GRM1: variants seen among roughly 807,000 people sequenced by gnomAD.
The protein encoded by GRM1 is glutamate metabotropic receptor 1.
In GRM1, 33 loss-of-function variants were observed where a neutral mutation model predicts 90.9. That is an observed-to-expected ratio of 0.36 (90% CI 0.28 to 0.49). The LOEUF (loss-of-function observed/expected upper bound fraction) is 0.49, where lower values mean the gene tolerates loss of function less well. GRM1 is among the 20% of genes least tolerant of loss of function. The probability of loss-of-function intolerance (pLI) is 0.99; values close to 1 mark genes in which losing one functional copy is unlikely to be tolerated. For missense variants in GRM1, 1,190 were observed against 1,534.3 expected (o/e 0.78, Z 3.75); for synonymous variants, 700 against 613.2 (o/e 1.14, Z -2.09).
At chr6:146,358,350 G>A (rs986034239) in intron 5 of GRM1, among the ~76,000 whole-genome samples, 1 of 152,156 alleles carries the variant, frequency 6.6e-6, no homozygotes, top group Non-Finnish European at 1.5e-5. Context: ...AAGAAAGCAT[G>A]GAGGCAACAC....
Position 146,409,942 on chromosome 6 carries a change from T to A in GRM1, c.2660+10243T>A, listed in dbSNP as rs551969989. Among the ~76,000 whole-genome samples, 4 of 152,286 alleles carry A rather than the reference T, an allele frequency of 2.6e-5. No individual in the cohort carries two copies. The South Asian group carries it at 8.3e-4, about 32-fold the overall frequency. ...GAAATCAATAACAGTAGGAAATACT[T>A]TCCTTCCCCAAATTTTCCAGTTATA... is the stretch of plus-strand genomic sequence containing the variant. On this transcript the variant is annotated intron_variant, in intron 7 of 7. Transcript: ENST00000282753.
At chr6:146,084,418 G>C (rs1468339670) in intron 1 of GRM1, among the ~76,000 whole-genome samples, 2 of 152,042 alleles carry the variant, frequency 1.3e-5, no homozygotes, top group Non-Finnish European at 2.9e-5. Flanking sequence ...CTGTGTCCCA[G>C]AGATTCTGGT....
Position 146,243,911 on chromosome 6 carries a change from A to C in GRM1, c.951-60700A>C, listed in dbSNP as rs1780956805. Among the ~76,000 whole-genome samples, 4 of 151,884 alleles carry C rather than the reference A, an allele frequency of 2.6e-5. No homozygotes were observed. In the South Asian group the frequency reaches 8.3e-4, roughly 32 times the overall value. ...TTCAGAGACCTCCTGCTAGGAACAC[A>C]CTCTCTTTCTCCAGGCTGTTCTTTG... On this transcript the variant is annotated intron_variant, in intron 2 of 7. Transcript: ENST00000282753.
chr6:146,041,666 C>T (rs918286905), intron 1 of GRM1, among the ~76,000 whole-genome samples: 6 of 151,924 alleles, frequency 3.9e-5, no homozygotes, highest in Non-Finnish European at 8.8e-5. Context: ...CTCGGTATCT[C>T]CTTTGTCTTC....
intron 1 of GRM1, among the ~76,000 whole-genome samples, chr6:146,066,118 G>T: frequency 6.6e-6 from 1 of 152,088 alleles, no homozygotes. Context: ...TCTTACAAAG[G>T]TACATGTGCA....
intron 2 of GRM1, among the ~76,000 whole-genome samples, chr6:146,179,620 T>A (rs1778467904): frequency 6.6e-6 from 1 of 152,150 alleles, no homozygotes; most frequent in South Asian, 2.1e-4. Context: ...TTCACGCCAT[T>A]CTCCTGCCTC....
chr6:146,356,982 A>G (rs1785608328), intron 4 of GRM1, among the ~76,000 whole-genome samples: 1 of 152,192 alleles, frequency 6.6e-6, no homozygotes, highest in Non-Finnish European at 1.5e-5. Context: ...ATCAGGGAAG[A>G]GATTAGTTTA....
intron 1 of GRM1, among the ~76,000 whole-genome samples, chr6:146,118,391 G>A (rs1246760445): frequency 2.6e-5 from 4 of 151,942 alleles, no homozygotes; most frequent in South Asian, 2.1e-4. Flanking sequence ...CACCCGCCTC[G>A]GCCTCCCAAA....
At chr6:146,075,020 G>A (rs993345884) in intron 1 of GRM1, among the ~76,000 whole-genome samples, 7 of 152,104 alleles carry the variant, frequency 4.6e-5, no homozygotes, top group Admixed American at 2.6e-4. Context: ...TTTGAATGAG[G>A]ATCAATTTTC....
At chr6:146,141,330 C>T (rs1251590230) in intron 1 of GRM1, among the ~76,000 whole-genome samples, 1 of 149,544 alleles carries the variant, frequency 6.7e-6, no homozygotes, top group Non-Finnish European at 1.5e-5. Context: ...TGTCCTTGAC[C>T]TTGGGAATTT....
intron 2 of GRM1, among the ~76,000 whole-genome samples, chr6:146,238,096 G>A (rs1053446059): frequency 6.6e-6 from 1 of 152,084 alleles, no homozygotes. Flanking sequence ...TGGAGTGTGC[G>A]TGACAAGTTA....
chr6:146,420,787 C>T (rs1777962593), intron 7 of GRM1, among the ~76,000 whole-genome samples: 1 of 152,056 alleles, frequency 6.6e-6, no homozygotes, highest in Non-Finnish European at 1.5e-5. Context: ...TGAACTCTAT[C>T]TCAGAGAAAC....
intron 1 of GRM1, among the ~76,000 whole-genome samples, chr6:146,102,098 C>T (rs1263799680): frequency 2.0e-5 from 3 of 152,066 alleles, no homozygotes; most frequent in East Asian, 1.9e-4. Flanking sequence ...CCACAGATCT[C>T]GCTCGCCTCT....
At chr6:146,187,116 A>G (rs1160008397) in intron 2 of GRM1, among the ~76,000 whole-genome samples, 1 of 152,186 alleles carries the variant, frequency 6.6e-6, no homozygotes, top group Non-Finnish European at 1.5e-5. Context: ...GCTTCTTTTA[A>G]TTTTGATAAA....
chr6:146,409,681 T>G (rs949864676), intron 7 of GRM1, among the ~76,000 whole-genome samples: 2 of 152,176 alleles, frequency 1.3e-5, no homozygotes, highest in African/African-American at 4.8e-5. Context: ...ATTATTAACA[T>G]TAGTTAATAG....
intron 1 of GRM1, among the ~76,000 whole-genome samples, chr6:146,077,475 A>T (rs1330920151): frequency 3.3e-5 from 5 of 152,156 alleles, no homozygotes; most frequent in Admixed American, 6.5e-5. Flanking sequence ...AGCACTCAGG[A>T]GACAGACATT....
At chr6:146,069,520 A>G (rs1775958849) in intron 1 of GRM1, among the ~76,000 whole-genome samples, 1 of 152,134 alleles carries the variant, frequency 6.6e-6, no homozygotes, top group Non-Finnish European at 1.5e-5. Context: ...TTTATTTGTA[A>G]TTGTTAACAT....
At chr6:146,425,011 G>T (rs1778145297) in intron 7 of GRM1, among the ~76,000 whole-genome samples, 1 of 152,122 alleles carries the variant, frequency 6.6e-6, no homozygotes, top group African/African-American at 2.4e-5. Flanking sequence ...AGCAAACAGT[G>T]TCTGTTTTTC....
In GRM1 at chr6:146,076,193, T is replaced by C. The variant is rs73578807; in HGVS notation, c.700+45976T>C. 9.9e-3 allele frequency among the ~76,000 whole-genome samples: 1,513 copies of C among 152,132 alleles called. 20 individuals are homozygous for C. The highest frequency in any genetic ancestry group is 0.035 in the African/African-American group (1,436 of 41,494). The stretch of plus-strand genomic sequence containing the variant: ...TATCTTGCATAGGGTTAGTGATGAG[T>C]CGAATAGACGGCATGAAGTCTGAGA... On this transcript the variant is annotated intron_variant, in intron 1 of 7. Coordinates refer to ENST00000282753, the MANE Select transcript of GRM1 (RefSeq NM_001278064.2).
Sources: allele counts gnomAD v4.1 joint callset (sites outside exome capture counted in the v4.1 genomes callset), GRCh38; gene constraint gnomAD v4.1.1; transcripts MANE v1.5; gene names NCBI Gene and HGNC (gene_info 2026-07-23, HGNC 2026-07-21).